IGSF11: variants seen among roughly 807,000 people sequenced by gnomAD.
IGSF11 encodes CXADR like 1.
Under a neutral mutation model 41.0 loss-of-function variants are expected in IGSF11, and 22 were observed. The observed-to-expected ratio is 0.54, with a 90% CI of 0.38 to 0.77. The LOEUF (loss-of-function observed/expected upper bound fraction) is 0.77, where lower values mean the gene tolerates loss of function less well. Ranked by LOEUF, IGSF11 falls within the 30% of genes least tolerant of loss-of-function variation. IGSF11 has a pLI of 0.00. For synonymous variants in IGSF11, 219 were observed against 201.3 expected (o/e 1.09, Z -0.74); for missense variants, 444 against 530.8 (o/e 0.84, Z 1.61).
intron 1 of IGSF11, among the ~76,000 whole-genome samples, chr3:119,111,642 G>A (rs139065685): frequency 0.12 from 17,733 of 152,192 alleles, 1,155 homozygotes; most frequent in East Asian, 0.23. Context: ...GAGGAACTGC[G>A]TTCCTTTGGA....
At chr3:118,929,353 AT>A (rs1942637379) in intron 2 of IGSF11, among the ~76,000 whole-genome samples, 1 of 152,220 alleles carries the variant, frequency 6.6e-6, no homozygotes, top group South Asian at 2.1e-4. Context: ...GTTGAACAAA[AT>A]GATCTTGAAG....
chr3:119,145,513 T>G (rs1221960042), intron 1 of IGSF11, among the ~76,000 whole-genome samples: 1 of 152,228 alleles, frequency 6.6e-6, no homozygotes, highest in Admixed American at 6.5e-5. Context: ...TTTCTGGAAC[T>G]CTGATTTGGC....
intron 1 of IGSF11, among the ~76,000 whole-genome samples, chr3:118,954,226 T>G (rs941409122): frequency 2.0e-5 from 3 of 152,130 alleles, no homozygotes; most frequent in Admixed American, 2.0e-4. Flanking sequence ...AGTATTTGGC[T>G]TTATTTCTGG....
rs991086317 is a variant in IGSF11 at position 118,902,588 on chromosome 3, T to G, written c.1228A>C (p.Thr410Pro). ...GGTACTGCACCAATTCGTTCCAGTG[T>G]TGCGTGGCTGATGGTGTAGGAATGA... is the stretch of plus-strand genomic sequence containing the variant. ...HTHSYTISHA[T>P]LERIGAVPVM... The change falls in exon 7 of 7, where the codon ACA (threonine) becomes CCA (proline). Residue 410 changes from threonine (T) to proline (P), a missense_variant. Physicochemically the swap from Thr to Pro is conservative, Grantham distance 38. Around this residue, in one of 3 missense-constraint regions of IGSF11, gnomAD observed 223 missense variants for 226.2 expected, o/e 0.99. Transcript: ENST00000393775. The G allele has an allele frequency of 6.2e-7, 1 of 1,614,090 alleles. No individual in the cohort carries two copies. Among genetic ancestry groups the G allele is most frequent in the Admixed American group, 1.7e-5 (1 of 60,016 alleles).
intron 1 of IGSF11, among the ~76,000 whole-genome samples, chr3:119,128,761 C>T (rs1253063895): frequency 2.0e-5 from 3 of 152,116 alleles, no homozygotes; most frequent in Admixed American, 1.3e-4. Flanking sequence ...TATGGCAATT[C>T]CTCAAGAATC....
At chr3:119,129,225 A>G (rs576054820) in intron 1 of IGSF11, among the ~76,000 whole-genome samples, 3 of 152,294 alleles carry the variant, frequency 2.0e-5, no homozygotes, top group African/African-American at 7.2e-5. Flanking sequence ...ACCATGGCAC[A>G]CGTATACCTA....
intron 1 of IGSF11, among the ~76,000 whole-genome samples, chr3:119,015,937 C>T (rs1172268702): frequency 1.3e-5 from 2 of 152,108 alleles, no homozygotes; most frequent in African/African-American, 2.4e-5. Flanking sequence ...ATACTCTGAC[C>T]AACCAGAAGA....
chr3:118,983,792 G>C (rs374668348), intron 1 of IGSF11, among the ~76,000 whole-genome samples: 2 of 152,174 alleles, frequency 1.3e-5, no homozygotes, highest in Admixed American at 1.3e-4. Flanking sequence ...TATAGACATA[G>C]TAGATGCAAA....
At chr3:119,008,085 C>T (rs1937628604) in intron 1 of IGSF11, among the ~76,000 whole-genome samples, 1 of 121,234 alleles carries the variant, frequency 8.2e-6, no homozygotes, top group Admixed American at 7.9e-5. Context: ...TTATTTTTAC[C>T]AATATTATAG....
At chr3:118,963,986 G>A (rs1945506892) in intron 1 of IGSF11, among the ~76,000 whole-genome samples, 1 of 152,030 alleles carries the variant, frequency 6.6e-6, no homozygotes, top group Non-Finnish European at 1.5e-5. Flanking sequence ...ATGTTTTTTA[G>A]GTCTCAGAAT....
intron 1 of IGSF11, among the ~76,000 whole-genome samples, chr3:118,994,399 G>A (rs530057626): frequency 1.3e-5 from 2 of 152,316 alleles, no homozygotes; most frequent in South Asian, 4.1e-4. Flanking sequence ...GCTCATGCCT[G>A]TAACCCTAGC....
chr3:119,047,650 A>G (rs1184426132), intron 1 of IGSF11, among the ~76,000 whole-genome samples: 2 of 152,204 alleles, frequency 1.3e-5, no homozygotes, highest in African/African-American at 4.8e-5. Context: ...AGAGGACGTA[A>G]TAGACATCTA....
intron 1 of IGSF11, among the ~76,000 whole-genome samples, chr3:119,028,711 A>AC (rs979438605): frequency 1.1e-4 from 17 of 151,954 alleles, no homozygotes; most frequent in Non-Finnish European, 2.2e-4. Flanking sequence ...TTGAAAAAAA[A>AC]ACTATGAAAA....
chr3:119,050,516 G>T (rs2107432921), intron 1 of IGSF11, among the ~76,000 whole-genome samples: 1 of 151,790 alleles, frequency 6.6e-6, no homozygotes, highest in East Asian at 1.9e-4. Flanking sequence ...GAGAGGATGT[G>T]GAGAAATAGG....
At position 119,034,823 on chromosome 3, in the gene IGSF11, G is replaced by A. The variant is rs1940791850; in HGVS notation, c.-241C>T. ...GAGGCGTTCCGGGCTCGCCAGCCGT[G>A]CCACCCAGCCCTGCCCCAGGACTAG... On this transcript the variant is annotated 5_prime_UTR_variant, in exon 1 of 7. Coordinates refer to ENST00000393775, the MANE Select transcript of IGSF11 (RefSeq NM_001015887.3). 2 of 1,255,380 alleles carry A rather than the reference G, an allele frequency of 1.6e-6. No individual in the cohort carries two copies. The highest frequency in any genetic ancestry group is 1.0e-6 in the Non-Finnish European group (1 of 999,592). 77.8% of individuals were successfully genotyped at this position (1,255,380 alleles called of 1,614,324 possible). A position where few individuals can be genotyped will look rare whatever the true frequency, so the allele number is the denominator to read the frequency against.
chr3:119,054,957 C>T (rs113900997), intron 1 of IGSF11, among the ~76,000 whole-genome samples: 7 of 152,196 alleles, frequency 4.6e-5, no homozygotes, highest in African/African-American at 1.4e-4. Flanking sequence ...CCTCACACGG[C>T]CAGGTACTCC....
At chr3:119,097,151 A>G (rs1246563982) in intron 1 of IGSF11, among the ~76,000 whole-genome samples, 1 of 152,074 alleles carries the variant, frequency 6.6e-6, no homozygotes, top group Non-Finnish European at 1.5e-5. Context: ...AACGACATTT[A>G]CAAGCTCCAC....
chr3:119,065,981 A>T (rs557897893), intron 1 of IGSF11, among the ~76,000 whole-genome samples: 1 of 152,292 alleles, frequency 6.6e-6, no homozygotes, highest in East Asian at 1.9e-4. Flanking sequence ...AAATAAACAT[A>T]AAACTTCAGG....
chr3:118,918,562 G>A (rs1228667160), intron 4 of IGSF11, among the ~76,000 whole-genome samples: 1 of 138,806 alleles, frequency 7.2e-6, no homozygotes, highest in Admixed American at 7.3e-5. Flanking sequence ...GGATGTGAAG[G>A]ACCTCTTCGA....
Sources: gnomAD v4.1 joint callset for allele counts (sites outside exome capture counted in the v4.1 genomes callset) on GRCh38, gnomAD v4.1.1 for gene constraint, gnomAD v4.1.1 regional missense constraint, MANE v1.5 for transcripts, NCBI Gene and HGNC (gene_info 2026-07-23, HGNC 2026-07-21) for gene names.